Variants in HIVEP2 observed in about 807,000 individuals in gnomAD.
HIVEP2 encodes transcription factor HIVEP2.
In HIVEP2, 14 loss-of-function variants were observed where a neutral mutation model predicts 180.7. The observed-to-expected ratio is 0.08, with a 90% CI of 0.05 to 0.12. The LOEUF (loss-of-function observed/expected upper bound fraction) is 0.12. Ranked by LOEUF, HIVEP2 falls within the 10% of genes least tolerant of loss-of-function variation. The pLI is 1.00. For synonymous variants in HIVEP2, 1,184 were observed against 1,136.4 expected (o/e 1.04, Z -0.84); for missense variants, 2,579 against 3,008.5 (o/e 0.86, Z 3.34).
intron 1 of HIVEP2, among the ~76,000 whole-genome samples, chr6:142,881,229 C>T (rs767034095): frequency 1.6e-4 from 24 of 152,152 alleles, no homozygotes; most frequent in Admixed American, 2.6e-4. Context: ...TTGGATATGG[C>T]CTTATCCAGT....
intron 1 of HIVEP2, among the ~76,000 whole-genome samples, chr6:142,867,516 C>T (rs1776170511): frequency 6.6e-6 from 1 of 152,142 alleles, no homozygotes; most frequent in African/African-American, 2.4e-5. Context: ...AATCTGAACA[C>T]ATTATCTCTG....
chr6:142,784,249 T>C (rs1455755759), intron 2 of HIVEP2, among the ~76,000 whole-genome samples: 1 of 152,200 alleles, frequency 6.6e-6, no homozygotes, highest in African/African-American at 2.4e-5. Context: ...TCTCCCAGTA[T>C]AAAAGACCTA....
intron 2 of HIVEP2, among the ~76,000 whole-genome samples, chr6:142,821,656 T>C (rs1041081385): frequency 3.9e-5 from 6 of 152,226 alleles, no homozygotes; most frequent in African/African-American, 1.4e-4. Flanking sequence ...ATTAGCCTAA[T>C]AGTGAGGAGG....
rs1342473666 is a variant in HIVEP2 at position 142,753,413 on chromosome 6, C to A, written c.7035G>T (p.Leu2345=). 1 of 1,613,986 alleles carries A rather than the reference C, an allele frequency of 6.2e-7. No individual in the cohort carries two copies. The change falls in exon 10 of 10, where the codon CTG becomes CTT. Residue 2345 remains leucine (L), a synonymous_variant. Coordinates refer to ENST00000367603, the MANE Select transcript of HIVEP2 (RefSeq NM_006734.4). ...CCCGCGCTGGCTGATCTGGCCCGAG[C>A]AGAGCTGCCTCTTCCGTGGCAATCC... is the stretch of plus-strand genomic sequence containing the variant. ...SLRIATEEAA[L]LGPDQPARVQ... is the part of the protein sequence containing the mutation.
chr6:142,835,809 T>TGGAGATTATTTTAGACAAAG (rs746763586), intron 2 of HIVEP2, among the ~76,000 whole-genome samples: 1 of 152,272 alleles, frequency 6.6e-6, no homozygotes, highest in East Asian at 1.9e-4. Context: ...TCTTAGGCAG[T>TGGAGATTATTTTAGACAAAG]GGAGATTATT....
At chr6:142,905,951 T>C (rs1440014053) in intron 1 of HIVEP2, among the ~76,000 whole-genome samples, 2 of 152,120 alleles carry the variant, frequency 1.3e-5, no homozygotes, top group Non-Finnish European at 2.9e-5. Flanking sequence ...CTGGCCAACG[T>C]GGCAAAACCC....
Position 142,870,155 on chromosome 6 carries a change from A to G in HIVEP2, c.-640-33108T>C, listed in dbSNP as rs117251818. Among the ~76,000 whole-genome samples the G allele has an allele frequency of 1.6e-4, 24 of 152,082 alleles. 1 individual carries two copies. In the East Asian group the frequency reaches 4.4e-3, roughly 28 times the overall value. ...GTCTGCAGCAGCCCACACCCTGCCA[A>G]TCCTTTGGGGTTCAGCACCAAAGGT... On this transcript the variant is annotated intron_variant, in intron 1 of 9. Coordinates refer to ENST00000367603, the MANE Select transcript of HIVEP2 (RefSeq NM_006734.4).
In HIVEP2 at chr6:142,774,457, G is replaced by C; in HGVS notation, c.282C>G (p.Cys94Trp). The C allele has an allele frequency of 1.9e-6, 3 of 1,614,164 alleles. No homozygotes were observed. Among genetic ancestry groups the C allele is most frequent in the Non-Finnish European group, 2.5e-6 (3 of 1,180,026 alleles). ...YPPHRPSPYS[C>W]QHSLSFPQHS... ...GCTGAGGGAAAGAGAGTGAGTGTTG[G>C]CATGAGTAAGGACTCGGACGATGCG... Residue 94 changes from cysteine (C) to tryptophan (W), a missense_variant, in exon 5 of 10, where the codon TGC becomes TGG. Physicochemically the swap from Cys to Trp is radical, Grantham distance 215. This residue lies in a region of HIVEP2 where 207 missense variants were observed against 210.1 expected (regional missense o/e 0.99). Coordinates refer to ENST00000367603, the MANE Select transcript of HIVEP2 (RefSeq NM_006734.4). The surrounding 1 kb of genome is among the most constrained non-coding windows in gnomAD (Gnocchi z 5.1).
intron 1 of HIVEP2, among the ~76,000 whole-genome samples, chr6:142,846,305 A>C (rs1214171040): frequency 1.3e-5 from 2 of 152,108 alleles, no homozygotes. Context: ...AAAAGAATAT[A>C]CATTCCCAAA....
chr6:142,765,785 C>T (rs927026217), intron 6 of HIVEP2, among the ~76,000 whole-genome samples: 1 of 152,088 alleles, frequency 6.6e-6, no homozygotes, highest in Non-Finnish European at 1.5e-5. Flanking sequence ...CTTTGATAAT[C>T]AAGGGAAGAA....
intron 1 of HIVEP2, among the ~76,000 whole-genome samples, chr6:142,863,337 A>G (rs1214850498): frequency 6.6e-6 from 1 of 151,854 alleles, no homozygotes; most frequent in Non-Finnish European, 1.5e-5. Context: ...AATCTTTTGT[A>G]TCTGCCTTGT....
chr6:142,769,575 T>C lies in HIVEP2; in HGVS notation c.5164A>G (p.Ser1722Gly). 6.2e-7 allele frequency: 1 copy of C among 1,614,162 alleles called. No individual in the cohort carries two copies. The highest frequency in any genetic ancestry group is 8.5e-7 in the Non-Finnish European group (1 of 1,180,008). The change falls in exon 5 of 10, where the codon AGT becomes GGT. Residue 1722 changes from serine (S) to glycine (G), a missense_variant. Physicochemically the swap from Ser to Gly is moderately conservative, Grantham distance 56 (BLOSUM62 0). This residue lies in a region of HIVEP2 where 349 missense variants were observed against 367.2 expected (regional missense o/e 0.95). Transcript: ENST00000367603. ...RPGTGKLTSS[S>G]AWKQFTQMKP... ...ACCTGAGTAAACTGCTTCCAAGCAC[T>C]TGATGATGTAAGCTTGCCGGTTCCA...
intron 5 of HIVEP2, 60 bp from the exon 6 acceptor site, chr6:142,768,596 T>C (rs2114639455): frequency 6.5e-7 from 1 of 1,528,270 alleles, no homozygotes; most frequent in South Asian, 1.2e-5. Context: ...GGAGCCCCTA[T>C]GTCCCACTCT....
At chr6:142,899,786 C>T (rs1777086865) in intron 1 of HIVEP2, among the ~76,000 whole-genome samples, 2 of 152,164 alleles carry the variant, frequency 1.3e-5, no homozygotes, top group South Asian at 4.1e-4. Context: ...TCTCCTACCA[C>T]CACCGCAGCC....
intron 1 of HIVEP2, among the ~76,000 whole-genome samples, chr6:142,931,793 G>T (rs964364857): frequency 2.0e-5 from 3 of 151,990 alleles, no homozygotes; most frequent in East Asian, 1.9e-4. Flanking sequence ...TCAATTCAGG[G>T]ACCAAATTCT....
intron 9 of HIVEP2, 53 bp downstream of exon 9, chr6:142,759,719 A>T: frequency 7.1e-7 from 1 of 1,415,084 alleles, no homozygotes; most frequent in Non-Finnish European, 9.7e-7. Flanking sequence ...CATTATCAGG[A>T]GGACCAATGT....
chr6:142,862,907 G>GTATTA (rs61335307), intron 1 of HIVEP2, among the ~76,000 whole-genome samples: 109,447 of 129,870 alleles, frequency 0.84, 46,709 homozygotes, highest in African/African-American at 0.94. Flanking sequence ...TAGATTATAT[G>GTATTA]TATTATATAA....
intron 1 of HIVEP2, among the ~76,000 whole-genome samples, chr6:142,867,589 T>A (rs753046818): frequency 2.6e-5 from 4 of 152,250 alleles, no homozygotes; most frequent in African/African-American, 4.8e-5. Flanking sequence ...GATATATTAC[T>A]CTACTTGTTT....
In HIVEP2 at chr6:142,773,043, A is replaced by G. The variant is rs1203587696; in HGVS notation, c.1696T>C (p.Phe566Leu). ...IPPSLRGSHSFDERMTGSDDV... is the reference protein window; with the variant it reads ...IPPSLRGSHSLDERMTGSDDV... ...TCGGAACCAGTCATCCTTTCATCAA[A>G]TGAGTGACTTCCTCTCAAAGAAGGA... Residue 566 changes from phenylalanine to leucine, a missense_variant, in exon 5 of 10, where the codon TTT (phenylalanine) becomes CTT (leucine). Coordinates refer to ENST00000367603, the MANE Select transcript of HIVEP2 (RefSeq NM_006734.4). 2 of 1,614,208 alleles carry G rather than the reference A, an allele frequency of 1.2e-6. No homozygotes were observed. Among genetic ancestry groups the G allele is most frequent in the South Asian group, 1.1e-5 (1 of 91,086 alleles).
Sources: allele counts gnomAD v4.1 joint callset (sites outside exome capture counted in the v4.1 genomes callset), GRCh38; gene constraint gnomAD v4.1.1; regional missense constraint gnomAD v4.1.1; non-coding constraint Gnocchi (gnomAD v3.1); transcripts MANE v1.5; gene names NCBI Gene and HGNC (gene_info 2026-07-23, HGNC 2026-07-21).